The following RBM47 variants were observed in gnomAD, a reference collection of about 807,000 sequenced individuals.
RBM47 encodes RNA-binding protein 47.
In RBM47, 21 loss-of-function variants were observed where a neutral mutation model predicts 47.1. The ratio of observed to expected loss-of-function variants is 0.45; its 90% CI spans 0.32 to 0.64. The LOEUF (loss-of-function observed/expected upper bound fraction) is 0.64, where lower values mean the gene tolerates loss of function less well. RBM47 is among the 30% of genes least tolerant of loss of function. The pLI is 0.05. For synonymous variants in RBM47, 375 were observed against 361.7 expected (o/e 1.04, Z -0.42); for missense variants, 708 against 870.9 (o/e 0.81, Z 2.35).
intron 3 of RBM47, among the ~76,000 whole-genome samples, chr4:40,460,089 C>T (rs1232659435): frequency 6.6e-6 from 1 of 152,142 alleles, no homozygotes; most frequent in Non-Finnish European, 1.5e-5. Context: ...GCCCAGGCAT[C>T]AGGAATGTCA....
intron 2 of RBM47, among the ~76,000 whole-genome samples, chr4:40,499,778 G>A (rs1448448713): frequency 6.6e-6 from 1 of 152,162 alleles, no homozygotes; most frequent in African/African-American, 2.4e-5. Flanking sequence ...GGTCACAATT[G>A]CAGGTCTTAG....
At chr4:40,458,960 G>A (rs547485037) in intron 3 of RBM47, among the ~76,000 whole-genome samples, 1 of 152,268 alleles carries the variant, frequency 6.6e-6, no homozygotes, top group East Asian at 1.9e-4. Context: ...TGTGGTATTT[G>A]TGAATATTGT....
chr4:40,490,898 A>G (rs370556177), intron 2 of RBM47, among the ~76,000 whole-genome samples: 1 of 69,242 alleles, frequency 1.4e-5, no homozygotes, highest in Admixed American at 1.3e-4. Flanking sequence ...AGTTTCTGGG[A>G]AAAAAAATTG....
intron 2 of RBM47, among the ~76,000 whole-genome samples, chr4:40,521,894 GAA>G (rs1726227915): frequency 6.6e-6 from 1 of 152,092 alleles, no homozygotes; most frequent in South Asian, 2.1e-4. Context: ...AAAAAAGGAA[GAA>G]AAAATTTGGG....
chr4:40,495,124 T>G (rs943739091), intron 2 of RBM47, among the ~76,000 whole-genome samples: 8 of 152,072 alleles, frequency 5.3e-5, no homozygotes, highest in African/African-American at 1.7e-4. Flanking sequence ...TATTTTGGAT[T>G]AGGTTTCTAT....
chr4:40,501,150 T>C (rs563729736), intron 2 of RBM47, among the ~76,000 whole-genome samples: 2 of 152,272 alleles, frequency 1.3e-5, no homozygotes, highest in South Asian at 2.1e-4. Context: ...GCTTCATTTA[T>C]CGTGACGAGT....
At chr4:40,591,849 G>A (rs1734169033) in intron 1 of RBM47, among the ~76,000 whole-genome samples, 1 of 152,194 alleles carries the variant, frequency 6.6e-6, no homozygotes, top group Non-Finnish European at 1.5e-5. Flanking sequence ...ACACGTACAA[G>A]TGAAGACATA....
At chr4:40,593,759 C>CT (rs1462886158) in intron 1 of RBM47, among the ~76,000 whole-genome samples, 1 of 151,936 alleles carries the variant, frequency 6.6e-6, no homozygotes, top group Non-Finnish European at 1.5e-5. Context: ...TGGCGGGCAC[C>CT]TGTAGTCCCA....
chr4:40,461,035 TAAAG>T (rs898300017), intron 3 of RBM47, among the ~76,000 whole-genome samples: 9 of 152,152 alleles, frequency 5.9e-5, no homozygotes, highest in African/African-American at 2.2e-4. Context: ...CTACATTAAT[TAAAG>T]AAACTCAAGA....
intron 5 of RBM47, among the ~76,000 whole-genome samples, chr4:40,433,998 C>CGT (rs1711817083): frequency 2.4e-5 from 1 of 42,074 alleles, no homozygotes; most frequent in Non-Finnish European, 4.7e-5. Context: ...GTGTGTGGGG[C>CGT]GGGGGTGTGT....
intron 1 of RBM47, 132 bp downstream of exon 1, chr4:40,629,264 G>C (rs914555550): frequency 1.3e-5 from 2 of 152,170 alleles, no homozygotes; most frequent in African/African-American, 4.8e-5. Context: ...CCAAGAGACA[G>C]AAGATGAGTG....
intron 2 of RBM47, among the ~76,000 whole-genome samples, chr4:40,469,085 A>C (rs538876628): frequency 3.3e-4 from 51 of 152,242 alleles, no homozygotes; most frequent in Non-Finnish European, 6.2e-4. Flanking sequence ...GTTGTGGAGA[A>C]CAGAGAAAAT....
At chr4:40,437,102 T>C (rs1412333118) in intron 4 of RBM47, among the ~76,000 whole-genome samples, 1 of 73,000 alleles carries the variant, frequency 1.4e-5, no homozygotes, top group Non-Finnish European at 2.4e-5. Context: ...TATATATATA[T>C]ATATATATAA....
intron 1 of RBM47, among the ~76,000 whole-genome samples, chr4:40,606,859 T>C (rs1017208338): frequency 1.3e-5 from 2 of 151,876 alleles, no homozygotes; most frequent in African/African-American, 2.4e-5. Flanking sequence ...AAAACAAAAA[T>C]AAGTTAGCCA....
At chr4:40,526,971 A>G (rs1299585352) in intron 2 of RBM47, among the ~76,000 whole-genome samples, 2 of 151,806 alleles carry the variant, frequency 1.3e-5, no homozygotes, top group Non-Finnish European at 2.9e-5. Flanking sequence ...AGATAGTACA[A>G]AACCTCACCA....
At chr4:40,573,972 C>A (rs764674172) in intron 1 of RBM47, among the ~76,000 whole-genome samples, 30 of 152,114 alleles carry the variant, frequency 2.0e-4, no homozygotes, top group Non-Finnish European at 3.8e-4. Flanking sequence ...TTTAAATTTT[C>A]ATTTGTTAAA....
At chr4:40,483,573 G>A (rs564431393) in intron 2 of RBM47, among the ~76,000 whole-genome samples, 3 of 152,298 alleles carry the variant, frequency 2.0e-5, no homozygotes, top group Admixed American at 2.0e-4. Flanking sequence ...GCTCACGCCG[G>A]TAATCCCAGC....
intron 2 of RBM47, among the ~76,000 whole-genome samples, chr4:40,529,931 CTTTTTTT>C (rs1184871315): frequency 8.0e-6 from 1 of 124,486 alleles, no homozygotes; most frequent in Non-Finnish European, 1.6e-5. Flanking sequence ...ATTAGACCCC[CTTTTTTT>C]TTTTTTTTTT....
intron 2 of RBM47, among the ~76,000 whole-genome samples, chr4:40,513,862 G>A (rs1725249000): frequency 6.6e-6 from 1 of 152,018 alleles, no homozygotes; most frequent in African/African-American, 2.4e-5. Context: ...GGGACTACCG[G>A]CGCACACCAC....
Sources: allele counts gnomAD v4.1 joint callset (sites outside exome capture counted in the v4.1 genomes callset), GRCh38; gene constraint gnomAD v4.1.1; transcripts MANE v1.5; gene names NCBI Gene and HGNC (gene_info 2026-07-23, HGNC 2026-07-21).